Variants in OPA1 observed in about 807,000 individuals in gnomAD.
The protein encoded by OPA1 is OPA1 mitochondrial dynamin like GTPase.
A neutral mutation model predicts 152.9 loss-of-function variants in OPA1; 59 were observed. The ratio of observed to expected loss-of-function variants is 0.39; its 90% CI spans 0.31 to 0.48. The LOEUF is 0.48. Among genes scored for constraint, OPA1 ranks in the 20% least tolerant of loss-of-function variants. OPA1 has a pLI of 0.96. For synonymous variants in OPA1, 400 were observed against 389.9 expected, an observed-to-expected ratio of 1.03 and a Z score of -0.31; for missense variants, 1,008 against 1,216.8, an observed-to-expected ratio of 0.83 and a Z score of 2.55.
chr3:193,643,957 T>A lies in OPA1; in HGVS notation c.1478-18T>A, dbSNP rs1334808562. On this transcript the variant is annotated intron_variant, in intron 15 of 30. Coordinates refer to ENST00000361510, the MANE Select transcript of OPA1 (RefSeq NM_130837.3). ...TACATCTTAAAATTCCACAGTGTCA[T>A]TTTTTTATTTTTTTCAGATGGATCT... The A allele has an allele frequency of 6.2e-7, 1 of 1,612,232 alleles. No homozygotes were observed. The highest frequency in any genetic ancestry group is 2.2e-5 in the East Asian group (1 of 44,798).
chr3:193,643,725 T>C, intron 15 of OPA1, 98 bp downstream of exon 15: 1 of 1,110,770 alleles, frequency 9.0e-7, no homozygotes, highest in Non-Finnish European at 1.3e-6. Context: ...ACATACAAGA[T>C]AAATGCATTT....
In OPA1 at chr3:193,635,429, G is replaced by T. The variant is rs776022520; in HGVS notation, c.855G>T (p.Gln285His). ...EELLHTQLKY[Q>H]RILERLEKEN... ...TTATTTTATTGCAGTTGAAGTATCA[G>T]AGAATCTTGGAACGATTAGAAAAGG... Residue 285 changes from glutamine to histidine, a missense_variant, in exon 9 of 31, where the codon CAG becomes CAT. Physicochemically the swap from Gln to His is conservative, Grantham distance 24. This residue lies in a region of OPA1 where 408 missense variants were observed against 395.1 expected (regional missense o/e 1.03). Transcript: ENST00000361510. 9.4e-6 allele frequency: 15 copies of T among 1,593,378 alleles called. No homozygotes were observed. The highest frequency in any genetic ancestry group is 9.5e-6 in the Non-Finnish European group (11 of 1,161,548).
At chr3:193,690,740 G>T (rs1427985256) in intron 29 of OPA1, among the ~76,000 whole-genome samples, 1 of 152,136 alleles carries the variant, frequency 6.6e-6, no homozygotes, top group Non-Finnish European at 1.5e-5. Context: ...AGATATAAAT[G>T]TCAAATATTA....
chr3:193,674,561 A>G (rs1015248355), intron 29 of OPA1, among the ~76,000 whole-genome samples: 3 of 152,218 alleles, frequency 2.0e-5, no homozygotes, highest in Admixed American at 2.0e-4. Flanking sequence ...ATATAGTTCT[A>G]ATTTATAGGA....
At chr3:193,676,843 T>A (rs570062512) in intron 29 of OPA1, among the ~76,000 whole-genome samples, 2 of 151,830 alleles carry the variant, frequency 1.3e-5, no homozygotes, top group African/African-American at 4.8e-5. Context: ...TAGCCAGGCG[T>A]GGTGGCGGGC....
chr3:193,671,041 G>C (rs1448494067), intron 29 of OPA1, among the ~76,000 whole-genome samples: 1 of 152,196 alleles, frequency 6.6e-6, no homozygotes, highest in African/African-American at 2.4e-5. Flanking sequence ...GTAACTCATT[G>C]AATGAAATAG....
At chr3:193,632,325 C>G (rs1490417001) in intron 8 of OPA1, among the ~76,000 whole-genome samples, 2 of 151,956 alleles carry the variant, frequency 1.3e-5, no homozygotes, top group Non-Finnish European at 2.9e-5. Context: ...ACTAAAAATA[C>G]AAAAAATTAG....
intron 11 of OPA1, among the ~76,000 whole-genome samples, chr3:193,640,140 A>C (rs896580778): frequency 6.6e-6 from 1 of 152,210 alleles, no homozygotes; most frequent in African/African-American, 2.4e-5. Flanking sequence ...ACATACATTT[A>C]GGAGTCATGA....
chr3:193,611,669 A>G (rs1347771908), intron 1 of OPA1, among the ~76,000 whole-genome samples: 3 of 151,538 alleles, frequency 2.0e-5, no homozygotes, highest in Admixed American at 2.0e-4. Flanking sequence ...TTCCCATTGC[A>G]ACTTATGTTT....
At chr3:193,637,764 T>C (rs939107537) in intron 10 of OPA1, among the ~76,000 whole-genome samples, 188 bp from the exon 11 acceptor site, 12 of 152,248 alleles carry the variant, frequency 7.9e-5, no homozygotes, top group Non-Finnish European at 1.3e-4. Context: ...GATCCAGTTA[T>C]AGTTTTGCTG....
chr3:193,593,855 A>G (rs1180019589), intron 1 of OPA1, among the ~76,000 whole-genome samples: 6 of 150,904 alleles, frequency 4.0e-5, no homozygotes, highest in Non-Finnish European at 7.4e-5. Flanking sequence ...CCATGTGTAC[A>G]TTGCATCTTC....
chr3:193,594,217 T>G (rs1000502287), intron 1 of OPA1, among the ~76,000 whole-genome samples: 5 of 152,228 alleles, frequency 3.3e-5, no homozygotes, highest in African/African-American at 1.2e-4. Flanking sequence ...ACCTTCAAGC[T>G]TAGCTCATTG....
At chr3:193,633,958 C>T (rs1339700090) in intron 8 of OPA1, among the ~76,000 whole-genome samples, 1 of 152,196 alleles carries the variant, frequency 6.6e-6, no homozygotes, top group Middle Eastern at 3.4e-3. Flanking sequence ...CTGCCTGTCT[C>T]ATACTATGTA....
At chr3:193,615,071 A>G in intron 2 of OPA1, 30 bp downstream of exon 2, 2 of 1,519,060 alleles carry the variant, frequency 1.3e-6, no homozygotes, top group South Asian at 1.1e-5. Context: ...TGGTTTTCCA[A>G]TTATTATATC....
chr3:193,607,756 T>C (rs76709780), intron 1 of OPA1, among the ~76,000 whole-genome samples: 65,201 of 151,868 alleles, frequency 0.43, 14,255 homozygotes, highest in Non-Finnish European at 0.43. Flanking sequence ...TCTTTTTTGG[T>C]TCCATATGAA....
chr3:193,659,635 C>A, intron 25 of OPA1, 74 bp downstream of exon 25: 1 of 1,126,614 alleles, frequency 8.9e-7, no homozygotes, highest in Non-Finnish European at 1.3e-6. Flanking sequence ...AAAATATAAC[C>A]TTTTTGTGGC....
intron 29 of OPA1, among the ~76,000 whole-genome samples, chr3:193,675,384 G>A (rs916578806): frequency 3.4e-5 from 5 of 147,100 alleles, no homozygotes; most frequent in Non-Finnish European, 5.9e-5. Context: ...AGGGTGTCCC[G>A]AAGAGAACGT....
At chr3:193,673,696 T>C (rs1366399280) in intron 29 of OPA1, among the ~76,000 whole-genome samples, 2 of 152,224 alleles carry the variant, frequency 1.3e-5, no homozygotes, top group African/African-American at 2.4e-5. Flanking sequence ...GTGCAACTTA[T>C]TAGAAATTAC....
chr3:193,601,279 C>T (rs1325611058), intron 1 of OPA1, among the ~76,000 whole-genome samples: 5 of 152,032 alleles, frequency 3.3e-5, no homozygotes, highest in African/African-American at 4.8e-5. Context: ...TCGTCTATTT[C>T]GAGGCTAGTG....
Sources: gnomAD v4.1 joint callset for allele counts (sites outside exome capture counted in the v4.1 genomes callset) on GRCh38, gnomAD v4.1.1 for gene constraint, gnomAD v4.1.1 regional missense constraint, MANE v1.5 for transcripts, NCBI Gene and HGNC (gene_info 2026-07-23, HGNC 2026-07-21) for gene names.